NELL1: variants seen among roughly 807,000 people sequenced by gnomAD.
The protein encoded by NELL1 is protein kinase C-binding protein NELL1.
NELL1 carries 76 observed loss-of-function variants against 107.4 expected under a neutral mutation model. The observed-to-expected ratio is 0.71, with a 90% CI of 0.59 to 0.86. The LOEUF is 0.86. Among genes scored for constraint, NELL1 ranks in the 40% least tolerant of loss-of-function variants. The pLI, the probability that NELL1 is intolerant of heterozygous loss-of-function variation, is 0.00. For synonymous variants in NELL1, 353 were observed against 341.2 expected (o/e 1.03, Z -0.38); for missense variants, 1,024 against 1,005.5 (o/e 1.02, Z -0.25).
At chr11:21,246,472 G>A (rs957125069) in intron 14 of NELL1, among the ~76,000 whole-genome samples, 7 of 152,114 alleles carry the variant, frequency 4.6e-5, no homozygotes, top group African/African-American at 1.7e-4. Context: ...ATTACTTAAT[G>A]ATGGAGATAT....
At chr11:21,098,649 G>A (rs928615629) in intron 12 of NELL1, among the ~76,000 whole-genome samples, 4 of 152,174 alleles carry the variant, frequency 2.6e-5, no homozygotes, top group Non-Finnish European at 1.5e-5. Context: ...AGGTCTTTAT[G>A]TTGAAGCAGG....
chr11:21,371,273 G>A (rs771927919), intron 15 of NELL1, among the ~76,000 whole-genome samples: 50 of 152,106 alleles, frequency 3.3e-4, no homozygotes, highest in Non-Finnish European at 5.7e-4. Context: ...CTACTGGGTA[G>A]CATCACACAC....
At chr11:21,424,607 C>T (rs915366687) in intron 15 of NELL1, among the ~76,000 whole-genome samples, 2 of 151,974 alleles carry the variant, frequency 1.3e-5, no homozygotes, top group Admixed American at 1.3e-4. Context: ...GGCAACAGAG[C>T]AAGACTCTAT....
chr11:20,978,169 T>C (rs764901695), intron 12 of NELL1, among the ~76,000 whole-genome samples: 18 of 152,232 alleles, frequency 1.2e-4, no homozygotes, highest in Non-Finnish European at 2.4e-4. Context: ...CTTTTTATAC[T>C]GAATCCAGTT....
At chr11:21,491,847 A>C (rs1854826087) in intron 15 of NELL1, among the ~76,000 whole-genome samples, 1 of 152,064 alleles carries the variant, frequency 6.6e-6, no homozygotes, top group Non-Finnish European at 1.5e-5. Flanking sequence ...ATGTTCTTCC[A>C]TTTGTTTGTA....
chr11:21,297,633 T>C (rs1212050779), intron 14 of NELL1, among the ~76,000 whole-genome samples: 4 of 152,078 alleles, frequency 2.6e-5, no homozygotes, highest in East Asian at 1.9e-4. Context: ...TTGTCTTCCA[T>C]TGAATACTTG....
intron 15 of NELL1, among the ~76,000 whole-genome samples, chr11:21,412,140 T>G (rs1852394098): frequency 6.6e-6 from 1 of 152,140 alleles, no homozygotes. Context: ...CTCTTTGTTT[T>G]CAAAACAGAT....
chr11:21,392,991 A>C (rs985564795), intron 15 of NELL1, among the ~76,000 whole-genome samples: 1 of 112,598 alleles, frequency 8.9e-6, no homozygotes, highest in Non-Finnish European at 2.0e-5. Flanking sequence ...TAGTTAAGTC[A>C]GAATTTTTTT....
At chr11:21,440,720 G>A (rs909348192) in intron 15 of NELL1, among the ~76,000 whole-genome samples, 3 of 152,072 alleles carry the variant, frequency 2.0e-5, no homozygotes, top group Admixed American at 6.6e-5. Flanking sequence ...GTGCTAAGAA[G>A]GAGGCAGTGA....
chr11:21,199,658 T>C lies in NELL1; in HGVS notation c.1427-29674T>C, dbSNP rs115859205. ...CTTGAAAACCATATTTTTCTTTTTT[T>C]TAATTATACTTCAAGTGTTGGGGTA... On this transcript the variant is annotated intron_variant, in intron 13 of 19. Coordinates refer to ENST00000357134, the MANE Select transcript of NELL1 (RefSeq NM_006157.5). Among the ~76,000 whole-genome samples the C allele has an allele frequency of 8.1e-3, 1,237 of 152,282 alleles. 12 individuals carry two copies. Among genetic ancestry groups the C allele is most frequent in the African/African-American group, 0.026 (1,079 of 41,552 alleles).
intron 12 of NELL1, among the ~76,000 whole-genome samples, chr11:21,088,761 C>T (rs189473849): frequency 6.6e-6 from 1 of 152,236 alleles, no homozygotes; most frequent in Non-Finnish European, 1.5e-5. Context: ...AATGTTCATA[C>T]TCTTTGGGAG....
intron 12 of NELL1, among the ~76,000 whole-genome samples, chr11:21,041,122 A>G (rs1009851438): frequency 1.3e-5 from 2 of 152,184 alleles, no homozygotes; most frequent in African/African-American, 4.8e-5. Flanking sequence ...CTTTGGTCAT[A>G]ATTTGACATA....
chr11:21,273,694 C>G (rs2133937830), intron 14 of NELL1, among the ~76,000 whole-genome samples: 1 of 152,346 alleles, frequency 6.6e-6, no homozygotes, highest in Non-Finnish European at 1.5e-5. Flanking sequence ...ATCAGACTAA[C>G]AGCTGATCTC....
At chr11:21,089,874 C>A (rs1050671037) in intron 12 of NELL1, among the ~76,000 whole-genome samples, 7 of 152,128 alleles carry the variant, frequency 4.6e-5, no homozygotes, top group African/African-American at 1.4e-4. Context: ...GGAGGACTTT[C>A]TGTGGTTGGC....
intron 3 of NELL1, among the ~76,000 whole-genome samples, chr11:20,813,239 G>A (rs1402439668): frequency 1.3e-5 from 2 of 152,152 alleles, no homozygotes; most frequent in Non-Finnish European, 2.9e-5. Context: ...CATATACTCT[G>A]ATAAATAATT....
intron 12 of NELL1, among the ~76,000 whole-genome samples, chr11:21,021,856 C>T (rs539821810): frequency 3.4e-4 from 51 of 152,226 alleles, no homozygotes; most frequent in African/African-American, 1.1e-3. Flanking sequence ...TCCTTGGCAG[C>T]AGACTTTCTC....
In NELL1 at chr11:21,175,491, T is replaced by C. The variant is rs74722692; in HGVS notation, c.1427-53841T>C. On this transcript the variant is annotated intron_variant, in intron 13 of 19. Transcript: ENST00000357134. ...TGTTATTCAAATTCATGATGAATTTTAATCAGGTAGAAAATATCCTTAATT... is the reference window on the plus strand; with the variant it reads ...TGTTATTCAAATTCATGATGAATTTCAATCAGGTAGAAAATATCCTTAATT... Among the ~76,000 whole-genome samples, 1,239 of 151,982 alleles carry C rather than the reference T, an allele frequency of 8.2e-3. 49 individuals carry two copies. Among genetic ancestry groups the C allele is most frequent in the African/African-American group, 0.028 (1,172 of 41,290 alleles).
At chr11:21,027,490 A>G (rs944014003) in intron 12 of NELL1, among the ~76,000 whole-genome samples, 1 of 151,232 alleles carries the variant, frequency 6.6e-6, no homozygotes, top group African/African-American at 2.5e-5. Context: ...TAATTACATG[A>G]AGTCCATTCC....
intron 13 of NELL1, among the ~76,000 whole-genome samples, chr11:21,118,488 AT>A (rs1590653776): frequency 6.6e-6 from 1 of 152,028 alleles, no homozygotes; most frequent in Admixed American, 6.6e-5. Context: ...AACCTCTGCC[AT>A]TTTTTATAGG....
Sources: allele counts gnomAD v4.1 joint callset (sites outside exome capture counted in the v4.1 genomes callset), GRCh38; gene constraint gnomAD v4.1.1; transcripts MANE v1.5; gene names NCBI Gene and HGNC (gene_info 2026-07-23, HGNC 2026-07-21).